The following REV1 variants were observed in gnomAD, a reference collection of about 807,000 sequenced individuals.
REV1 encodes translesion synthesis protein REV1.
REV1 carries 42 observed loss-of-function variants against 137.4 expected under a neutral mutation model. That is an observed-to-expected ratio of 0.31 (90% CI 0.24 to 0.40). The LOEUF (loss-of-function observed/expected upper bound fraction) is 0.40. REV1 is among the 10% of genes least tolerant of loss of function. REV1 has a pLI of 1.00. For synonymous variants in REV1, 524 were observed against 519.2 expected (o/e 1.01, Z -0.12); for missense variants, 1,282 against 1,490.1 (o/e 0.86, Z 2.30).
chr2:99,424,330 T>A, intron 9 of REV1, 50 bp from the exon 10 acceptor site: 1 of 1,574,680 alleles, frequency 6.4e-7, no homozygotes, highest in Non-Finnish European at 8.6e-7. Context: ...AGTTTTCAAC[T>A]CAAATATTTA....
chr2:99,443,577 A>G (rs550330020), intron 4 of REV1, among the ~76,000 whole-genome samples: 56 of 152,324 alleles, frequency 3.7e-4, no homozygotes, highest in Middle Eastern at 3.4e-3. Flanking sequence ...TGTCCTTTAT[A>G]TAATTATGTC....
intron 17 of REV1, 63 bp from the exon 18 acceptor site, chr2:99,404,740 G>A: frequency 9.4e-7 from 1 of 1,058,858 alleles, no homozygotes; most frequent in Non-Finnish European, 1.4e-6. Context: ...GTGTTTGGGA[G>A]TTAACACGCC....
chr2:99,455,635 G>T (rs921510267), intron 3 of REV1, among the ~76,000 whole-genome samples: 1 of 152,144 alleles, frequency 6.6e-6, no homozygotes, highest in South Asian at 2.1e-4. Flanking sequence ...CAAGATGAGA[G>T]TCTCACAGGA....
rs141968131 is a variant in REV1, at chr2:99,407,549, T to G, written c.2448+480A>C. On this transcript the variant is annotated intron_variant, in intron 15 of 22. Coordinates refer to ENST00000258428, the MANE Select transcript of REV1 (RefSeq NM_016316.4). ...CCTGGGCAACAGGGCAAAAACTGTCTCAAAAAAAAAAAACCCCACACAAAA... is the reference window on the plus strand; with the variant it reads ...CCTGGGCAACAGGGCAAAAACTGTCGCAAAAAAAAAAAACCCCACACAAAA... Among the ~76,000 whole-genome samples the G allele has an allele frequency of 2.7e-3, 407 of 148,650 alleles. 3 individuals are homozygous for G. Among genetic ancestry groups the G allele is most frequent in the Non-Finnish European group, 3.7e-3 (249 of 67,370 alleles).
intron 3 of REV1, among the ~76,000 whole-genome samples, chr2:99,453,466 C>G (rs989462508): frequency 6.6e-6 from 1 of 152,186 alleles, no homozygotes; most frequent in African/African-American, 2.4e-5. Context: ...GCTAAAGCTG[C>G]TCTCTATTCA....
intron 18 of REV1, 53 bp downstream of exon 18, chr2:99,404,391 C>A: frequency 6.9e-7 from 1 of 1,443,968 alleles, no homozygotes; most frequent in East Asian, 2.3e-5. Context: ...TAAGTTGGAG[C>A]AGGGGGGTGA....
intron 3 of REV1, among the ~76,000 whole-genome samples, chr2:99,456,732 T>C (rs1292530402): frequency 6.6e-6 from 1 of 152,226 alleles, no homozygotes; most frequent in East Asian, 1.9e-4. Context: ...CTATATAAAA[T>C]ACTACTACTA....
In REV1 at chr2:99,421,210, C is replaced by G. The variant is rs1413309564; in HGVS notation, c.1831+289G>C. ...CCATACCACCACCTAGCTTTAAATA[C>G]GGTTTCCGTTCACTTTTGGGAAAAA... On this transcript the variant is annotated intron_variant, in intron 11 of 22. Transcript: ENST00000258428. Among the ~76,000 whole-genome samples the G allele has an allele frequency of 2.6e-5, 4 of 151,880 alleles. No individual in the cohort carries two copies. In the South Asian group the frequency reaches 8.3e-4, roughly 31 times the overall value.
intron 3 of REV1, among the ~76,000 whole-genome samples, chr2:99,450,275 T>C (rs532874161): frequency 9.9e-5 from 15 of 152,216 alleles, no homozygotes; most frequent in South Asian, 4.1e-4. Flanking sequence ...ATGTGACTTA[T>C]GCTTCCCCCT....
intron 10 of REV1, among the ~76,000 whole-genome samples, chr2:99,423,945 T>C (rs756244892): frequency 1.4e-4 from 21 of 152,190 alleles, no homozygotes; most frequent in African/African-American, 3.4e-4. Flanking sequence ...ATGAACAATT[T>C]TGGCAATACA....
chr2:99,425,653 G>A (rs542064195), intron 9 of REV1, among the ~76,000 whole-genome samples: 5 of 152,326 alleles, frequency 3.3e-5, no homozygotes, highest in Admixed American at 1.3e-4. Flanking sequence ...GTGTTGAAAA[G>A]GGTAAATTTC....
chr2:99,475,603 C>T lies in REV1; in HGVS notation c.-10-10618G>A, dbSNP rs1444260176. On this transcript the variant is annotated intron_variant, in intron 1 of 22. Coordinates refer to ENST00000258428, the MANE Select transcript of REV1 (RefSeq NM_016316.4). ...TTTTTTAAATGTACATGATTCTGCGCTTGAACCCAGGAGGCAGAGATTGCA... is the reference window on the plus strand; with the variant it reads ...TTTTTTAAATGTACATGATTCTGCGTTTGAACCCAGGAGGCAGAGATTGCA... Among the ~76,000 whole-genome samples, 5 of 152,250 alleles carry T rather than the reference C, an allele frequency of 3.3e-5. No individual in the cohort carries two copies. The East Asian group carries it at 7.7e-4, about 24-fold the overall frequency.
intron 19 of REV1, 87 bp from the exon 20 acceptor site, chr2:99,403,193 A>C: frequency 1.8e-6 from 2 of 1,108,478 alleles, no homozygotes; most frequent in Non-Finnish European, 2.5e-6. Context: ...TCTCCTCCCA[A>C]ATACAACAGG....
chr2:99,468,180 CAAA>C (rs61160561), intron 1 of REV1, among the ~76,000 whole-genome samples: 10 of 136,970 alleles, frequency 7.3e-5, no homozygotes, highest in Admixed American at 1.4e-4. Context: ...AACTCCATCT[CAAA>C]AAAAAAAAAA....
chr2:99,454,671 G>T (rs935147742), intron 3 of REV1, among the ~76,000 whole-genome samples: 2 of 151,922 alleles, frequency 1.3e-5, no homozygotes, highest in East Asian at 3.9e-4. Flanking sequence ...GTTGAGCTCA[G>T]GAGTTTGGGG....
intron 3 of REV1, among the ~76,000 whole-genome samples, chr2:99,458,157 C>A (rs1018691474): frequency 1.3e-5 from 2 of 152,110 alleles, no homozygotes; most frequent in African/African-American, 4.8e-5. Flanking sequence ...GGATGAAAAA[C>A]TACAGACTGG....
chr2:99,402,208 A>AT, intron 22 of REV1, 36 bp downstream of exon 22: 1 of 903,540 alleles, frequency 1.1e-6, no homozygotes, highest in Non-Finnish European at 1.7e-6. Flanking sequence ...GTGACATGCC[A>AT]TTTTTTCCCA....
At chr2:99,476,090 T>C (rs758967649) in intron 1 of REV1, among the ~76,000 whole-genome samples, 5 of 152,272 alleles carry the variant, frequency 3.3e-5, no homozygotes, top group African/African-American at 7.2e-5. Flanking sequence ...CGTAACTTTT[T>C]CTATGCTTGC....
At chr2:99,424,985 A>C in intron 9 of REV1, 1 of 913,602 alleles carries the variant, frequency 1.1e-6, no homozygotes, top group South Asian at 2.0e-5. Flanking sequence ...ACAAAACTAT[A>C]ATTATGGAAT....
Sources: gnomAD v4.1 joint callset for allele counts (sites outside exome capture counted in the v4.1 genomes callset) on GRCh38, gnomAD v4.1.1 for gene constraint, MANE v1.5 for transcripts, NCBI Gene and HGNC (gene_info 2026-07-23, HGNC 2026-07-21) for gene names.